ABCA9: variants seen among roughly 807,000 people sequenced by gnomAD.
ABCA9 encodes ATP-binding cassette sub-family A member 9.
In ABCA9, 183 loss-of-function variants were observed where a neutral mutation model predicts 205.3. The observed-to-expected ratio is 0.89, with a 90% CI of 0.79 to 1.01. The LOEUF is 1.01. Ranked by LOEUF, ABCA9 falls within the 50% of genes least tolerant of loss-of-function variation. The pLI is 0.00. For missense variants in ABCA9, 1,805 were observed against 1,912.4 expected, an observed-to-expected ratio of 0.94 and a Z score of 1.05; for synonymous variants, 651 against 683.3, an observed-to-expected ratio of 0.95 and a Z score of 0.74.
At chr17:69,024,453 G>A in intron 16 of ABCA9, 100 bp from the exon 17 acceptor site, 8 of 1,195,670 alleles carry the variant, frequency 6.7e-6, no homozygotes, top group Non-Finnish European at 7.9e-6. Context: ...TAATATTTAT[G>A]AGACAAAAAA....
chr17:69,078,940 G>T, the ABCA9 span: 1 of 1,360,538 alleles, frequency 7.4e-7, no homozygotes, highest in South Asian at 1.3e-5. Flanking sequence ...TGAGTTTATA[G>T]GAGATCAACA....
chr17:69,034,645 G>A (rs1265023833), intron 8 of ABCA9: 1 of 152,076 alleles, frequency 6.6e-6, no homozygotes, highest in Non-Finnish European at 1.5e-5. Flanking sequence ...TGCTGCAATA[G>A]GACTTTTTTG....
intron 23 of ABCA9, among the ~76,000 whole-genome samples, chr17:69,009,398 A>T (rs1391914884): frequency 6.6e-6 from 1 of 151,664 alleles, no homozygotes. Context: ...GCAGGAGAGA[A>T]GACCCTTCCG....
At chr17:69,010,419 C>T (rs917057824) in intron 23 of ABCA9, among the ~76,000 whole-genome samples, 7 of 151,912 alleles carry the variant, frequency 4.6e-5, no homozygotes, top group African/African-American at 1.7e-4. Context: ...ATGATATTGG[C>T]ATATTTGAGA....
At chr17:69,065,480 T>A (rs1005935842), upstream of ABCA9, among the ~76,000 whole-genome samples, 3 of 152,174 alleles carry the variant, frequency 2.0e-5, no homozygotes, top group Admixed American at 6.5e-5. Flanking sequence ...ATTTTTTTTT[T>A]AATTATCTGG....
chr17:69,007,908 T>C (rs772228234), intron 24 of ABCA9, 36 bp from the exon 25 acceptor site: 2 of 1,485,296 alleles, frequency 1.3e-6, no homozygotes, highest in South Asian at 2.3e-5. Flanking sequence ...ATAAGGTAAA[T>C]ACTATCTAGA....
At chr17:69,017,878 A>G in intron 20 of ABCA9, 89 bp from the exon 21 acceptor site, 10 of 1,430,960 alleles carry the variant, frequency 7.0e-6, no homozygotes, top group Non-Finnish European at 9.7e-6. Flanking sequence ...CACAAAGCAT[A>G]TCACACAAAA....
In ABCA9 at chr17:69,042,513, T is replaced by A. The variant is rs149405196; in HGVS notation, c.800+976A>T. The A allele has an allele frequency of 1.5e-4, 23 of 152,320 alleles. No homozygotes were observed. In the East Asian group the frequency reaches 4.4e-3, roughly 29 times the overall value. 9.4% of individuals were successfully genotyped at this position (152,320 alleles called of 1,614,324 possible). ...TAAAAGGTTTTCTTTTTGCTCAGTG[T>A]CATAAAAGTGATGACTCATCCAACA... is the stretch of plus-strand genomic sequence containing the variant. On this transcript the variant is annotated intron_variant, in intron 6 of 38. Transcript: ENST00000340001.
chr17:69,000,919 CTGTT>C (rs1366841483), intron 25 of ABCA9, among the ~76,000 whole-genome samples: 2 of 137,296 alleles, frequency 1.5e-5, no homozygotes, highest in South Asian at 2.1e-4. Flanking sequence ...ATTTGGCTCT[CTGTT>C]TGTCTGTTGT....
intron 1 of ABCA9, among the ~76,000 whole-genome samples, chr17:69,052,129 G>C (rs181781875): frequency 6.6e-6 from 1 of 152,282 alleles, no homozygotes; most frequent in East Asian, 1.9e-4. Context: ...CCAGCACTTT[G>C]GGAGGCTGAG....
At position 69,024,228 on chromosome 17, in the gene ABCA9, G is replaced by A; in HGVS notation, c.2267C>T (p.Thr756Ile). Residue 756 changes from threonine to isoleucine, a missense_variant, in exon 17 of 39, where the codon ACA (threonine) becomes ATA (isoleucine). Transcript: ENST00000340001. ...CATTTTGTTACCTGGAAATTTGTTT[G>A]TCCTTTCCAAAGGCAAAATATATAC... ...KLVYILPLER[T>I]NKFPELYRDL... 1 of 1,612,066 alleles carries A rather than the reference G, an allele frequency of 6.2e-7. No homozygotes were observed. The highest frequency in any genetic ancestry group is 8.5e-7 in the Non-Finnish European group (1 of 1,179,318).
At chr17:69,047,276 A>G (rs1289980598) in intron 3 of ABCA9, among the ~76,000 whole-genome samples, 1 of 149,946 alleles carries the variant, frequency 6.7e-6, no homozygotes, top group Non-Finnish European at 1.5e-5. Flanking sequence ...TTTGTGCATA[A>G]AACAAAGTTT....
chr17:69,078,240 T>A, the ABCA9 span, among the ~76,000 whole-genome samples: 1 of 150,548 alleles, frequency 6.6e-6, no homozygotes, highest in East Asian at 2.0e-4. Context: ...AGTCTCACTC[T>A]GTCACCCAGG....
chr17:69,013,088 T>TATG (rs1248344444), intron 22 of ABCA9, among the ~76,000 whole-genome samples: 5 of 152,188 alleles, frequency 3.3e-5, no homozygotes, highest in Admixed American at 6.5e-5. Context: ...CCATTGTGTA[T>TATG]ATGTACCTCA....
chr17:68,980,954 G>A (rs112665125), intron 37 of ABCA9, among the ~76,000 whole-genome samples: 2 of 150,996 alleles, frequency 1.3e-5, no homozygotes, highest in African/African-American at 4.9e-5. Flanking sequence ...GAAGGAAATC[G>A]TGTTGTGGAT....
At chr17:69,077,521 A>C in the ABCA9 span, among the ~76,000 whole-genome samples, 1 of 152,192 alleles carries the variant, frequency 6.6e-6, no homozygotes, top group African/African-American at 2.4e-5. Flanking sequence ...TGTTAGGTCC[A>C]ATTGGTCAAG....
At chr17:69,043,830 T>A in intron 5 of ABCA9, 115 bp from the exon 6 acceptor site, 1 of 920,528 alleles carries the variant, frequency 1.1e-6, no homozygotes, top group Non-Finnish European at 1.6e-6. Flanking sequence ...TTTATGTTTA[T>A]ATGCCCTTCA....
chr17:68,989,731 C>T (rs139412318), intron 30 of ABCA9, 82 bp downstream of exon 30: 10 of 847,678 alleles, frequency 1.2e-5, no homozygotes, highest in African/African-American at 1.2e-4. Flanking sequence ...ATAGATGTCC[C>T]CAGATTCAGA....
chr17:68,976,173 G>C lies in ABCA9; in HGVS notation c.4738C>G (p.Leu1580Val), dbSNP rs2068887715. The C allele has an allele frequency of 6.2e-7, 1 of 1,613,826 alleles. No individual in the cohort carries two copies. Among genetic ancestry groups the C allele is most frequent in the African/African-American group, 1.3e-5 (1 of 74,876 alleles). Residue 1580 changes from leucine (L) to valine (V), a missense_variant, in exon 38 of 39, where the codon CTG becomes GTG. Coordinates refer to ENST00000340001, the MANE Select transcript of ABCA9 (RefSeq NM_080283.4). ...GACTGTGAGAGGCTGTACTCCTCCA[G>C]GTCGAAACTCTGTTTAACTGCATAA... ...KLEIVKQSFD[L>V]EEYSLSQSTL... is the part of the protein sequence containing the mutation.
Sources: gnomAD v4.1 joint callset for allele counts (sites outside exome capture counted in the v4.1 genomes callset) on GRCh38, gnomAD v4.1.1 for gene constraint, MANE v1.5 for transcripts, NCBI Gene and HGNC (gene_info 2026-07-23, HGNC 2026-07-21) for gene names.